EVC: variants seen among roughly 807,000 people sequenced by gnomAD.
EVC encodes evC complex member EVC.
Under a neutral mutation model 118.9 loss-of-function variants are expected in EVC, and 116 were observed. The observed-to-expected ratio is 0.98, with a 90% confidence interval of 0.84 to 1.14. The LOEUF is 1.14. Among genes scored for constraint, EVC ranks in the 50% most tolerant of loss-of-function variants. EVC has a pLI of 0.00. For missense variants in EVC, 1,401 were observed against 1,246.4 expected (o/e 1.12, Z -1.87); for synonymous variants, 619 against 534.7 (o/e 1.16, Z -2.18).
At chr4:5,796,484 T>C (rs140415476) in intron 13 of EVC, among the ~76,000 whole-genome samples, 1 of 152,190 alleles carries the variant, frequency 6.6e-6, no homozygotes, top group East Asian at 1.9e-4. Flanking sequence ...ATTTAGCTGA[T>C]TCTGAATTAG....
chr4:5,817,289 G>A (rs1474092345), downstream of EVC, among the ~76,000 whole-genome samples: 2 of 152,334 alleles, frequency 1.3e-5, no homozygotes, highest in East Asian at 3.9e-4. Context: ...TGCAAGCTGG[G>A]ACCCCAAGCT....
At chr4:5,788,817 G>C (rs1052716860) in intron 12 of EVC, among the ~76,000 whole-genome samples, 3 of 152,138 alleles carry the variant, frequency 2.0e-5, no homozygotes, top group African/African-American at 7.2e-5. Context: ...TTTAAGACAC[G>C]CTTGTCCAAC....
chr4:5,803,434 A>G (rs986570630), intron 16 of EVC, among the ~76,000 whole-genome samples: 1 of 152,222 alleles, frequency 6.6e-6, no homozygotes, highest in African/African-American at 2.4e-5. Flanking sequence ...CTCATTTAGC[A>G]GGAGACAGAC....
the EVC span, among the ~76,000 whole-genome samples, chr4:5,820,579 CCT>C: frequency 6.6e-6 from 1 of 152,126 alleles, no homozygotes; most frequent in African/African-American, 2.4e-5. Context: ...AGCCGTCTTC[CCT>C]CTCTTCGCCT....
chr4:5,788,240 A>G (rs1422806860), intron 12 of EVC, among the ~76,000 whole-genome samples: 1 of 152,220 alleles, frequency 6.6e-6, no homozygotes, highest in Non-Finnish European at 1.5e-5. Context: ...TCAGGGGTCC[A>G]GGCACAGTTT....
In EVC at chr4:5,802,187, T is replaced by C. The variant is rs1262814877; in HGVS notation, c.2449+93T>C. 4.0e-6 allele frequency: 6 copies of C among 1,484,040 alleles called. No individual in the cohort carries two copies. The East Asian group carries it at 1.1e-4, about 28-fold the overall frequency. The allele number at this position is 1,484,040 out of a possible 1,614,324, so 91.9% of individuals were successfully genotyped here. ...ATAGGATGTCAGATACTGTGAATTT[T>C]ATTTTTGGGAATATAATTATTTCAG... On this transcript the variant is annotated intron_variant, in intron 16 of 20. Transcript: ENST00000264956.
In EVC at chr4:5,798,031, A is replaced by T. The variant is rs1714298122; in HGVS notation, c.2098-555A>T. 6.6e-6 allele frequency among the ~76,000 whole-genome samples: 1 copy of T among 152,208 alleles called. No individual in the cohort carries two copies. The highest frequency in any genetic ancestry group is 2.4e-5 in the African/African-American group (1 of 41,452). ...CTCTTTGACCCATGAATGAGGCACA[A>T]GCCCACAGTCTCTTAAGCTCTATCC... On this transcript the variant is annotated intron_variant, in intron 14 of 20. Transcript: ENST00000264956. The surrounding 1 kb of genome is among the most constrained non-coding windows in gnomAD (Gnocchi z 4.1).
At chr4:5,803,471 C>G (rs149112496) in intron 16 of EVC, among the ~76,000 whole-genome samples, 66 of 152,286 alleles carry the variant, frequency 4.3e-4, no homozygotes, top group African/African-American at 1.5e-3. Flanking sequence ...GCAGAACATT[C>G]CAGAACTGGG....
intron 12 of EVC, among the ~76,000 whole-genome samples, chr4:5,792,893 A>G (rs904712845): frequency 3.9e-5 from 6 of 152,192 alleles, no homozygotes; most frequent in Non-Finnish European, 7.3e-5. Flanking sequence ...ATGTCATTGA[A>G]GGCATGAAGA....
chr4:5,745,024 G>T (rs796217483), intron 6 of EVC, among the ~76,000 whole-genome samples, 180 bp from the exon 7 acceptor site: 1 of 148,446 alleles, frequency 6.7e-6, no homozygotes, highest in Non-Finnish European at 1.5e-5. Flanking sequence ...TATTCTTGAG[G>T]CTCTATGTTT....
chr4:5,760,142 G>T (rs1325966320), intron 11 of EVC, among the ~76,000 whole-genome samples: 1 of 152,092 alleles, frequency 6.6e-6, no homozygotes, highest in African/African-American at 2.4e-5. Context: ...AGGCAGGTTT[G>T]CCCTGAGCAG....
chr4:5,823,122 A>G, the EVC span, among the ~76,000 whole-genome samples: 29 of 152,258 alleles, frequency 1.9e-4, no homozygotes, highest in South Asian at 6.0e-3. Context: ...AGTGCTAATC[A>G]TGCCTTGAAT....
chr4:5,714,117 A>G (rs1723543656), intron 1 of EVC, among the ~76,000 whole-genome samples: 1 of 152,054 alleles, frequency 6.6e-6, no homozygotes. Context: ...CTTAGACTCT[A>G]TCCTGCTCAG....
intron 2 of EVC, among the ~76,000 whole-genome samples, chr4:5,720,479 G>C (rs975740299): frequency 4.6e-5 from 7 of 152,014 alleles, no homozygotes; most frequent in African/African-American, 1.7e-4. Flanking sequence ...CCAACTTCTA[G>C]CCTCTGCTCC....
At position 5,809,714 on chromosome 4, in the gene EVC, C is replaced by T. The variant is rs3733185; in HGVS notation, c.2782+103C>T. 0.14 allele frequency: 146,252 copies of T among 1,062,042 alleles called. 10,783 individuals carry two copies. The highest frequency in any genetic ancestry group is 0.16 in the Non-Finnish European group (110,150 of 704,602). The allele number at this position is 1,062,042 out of a possible 1,614,324, so 65.8% of individuals were successfully genotyped here. A position where few individuals can be genotyped will look rare whatever the true frequency, so the allele number is the denominator to read the frequency against. ...TAACTAGCTGTGTGACCTTAGGCATCGTGCCTAGGCTCTCTGGGCTTTTGT... is the reference window on the plus strand; with the variant it reads ...TAACTAGCTGTGTGACCTTAGGCATTGTGCCTAGGCTCTCTGGGCTTTTGT... On this transcript the variant is annotated intron_variant, in intron 19 of 20. Transcript: ENST00000264956.
In EVC at chr4:5,742,471, CACTATT is replaced by C. The variant is rs1560317367; in HGVS notation, c.801+663_801+668del. Among the ~76,000 whole-genome samples the C allele has an allele frequency of 6.6e-6, 1 of 152,078 alleles. No homozygotes were observed. The highest frequency in any genetic ancestry group is 1.5e-5 in the Non-Finnish European group (1 of 68,010). On this transcript the variant is annotated intron_variant, in intron 6 of 20. Transcript: ENST00000264956. The surrounding 1 kb of genome is among the most constrained non-coding windows in gnomAD (Gnocchi z 5.2). ...TTTTATTTTGTATCACCATCACCAC[CACTATT>C]ACTATCACAGTTCTCTTCTTCATCA...
rs1375092894 is a variant in EVC at position 5,811,949 on chromosome 4, G to GGACA, written c.*914_*915insCAGA. ...CAGCCAGGAGAGGCCTTTCCCGCCT[G>GGACA]GAAACTTCCGGACAAGCCTCTCACA... On this transcript the variant is annotated 3_prime_UTR_variant, in exon 21 of 21. Transcript: ENST00000264956. 7.2e-6 allele frequency: 1 copy of GGACA among 139,086 alleles called. No individual in the cohort carries two copies. Among genetic ancestry groups the GGACA allele is most frequent in the Non-Finnish European group, 1.5e-5 (1 of 67,532 alleles). 8.6% of individuals were successfully genotyped at this position (139,086 alleles called of 1,614,324 possible).
chr4:5,740,002 A>G (rs1728274343), intron 5 of EVC, among the ~76,000 whole-genome samples: 1 of 152,192 alleles, frequency 6.6e-6, no homozygotes. Flanking sequence ...ACAAAGAGGC[A>G]AAAGCACTTC....
chr4:5,797,419 C>T, intron 14 of EVC, 187 bp downstream of exon 14: 3 of 628,842 alleles, frequency 4.8e-6, no homozygotes, highest in Non-Finnish European at 8.6e-6. Flanking sequence ...ACACATTTCC[C>T]TGCTCACCAT....
Sources: allele counts gnomAD v4.1 joint callset (sites outside exome capture counted in the v4.1 genomes callset), GRCh38; gene constraint gnomAD v4.1.1; non-coding constraint Gnocchi (gnomAD v3.1); transcripts MANE v1.5; gene names NCBI Gene and HGNC (gene_info 2026-07-23, HGNC 2026-07-21).